The following MRPL47 variants were observed in gnomAD, a reference collection of about 807,000 sequenced individuals.
MRPL47 encodes the protein mitochondrial ribosomal protein L47.
In MRPL47, 31 loss-of-function variants were observed where a neutral mutation model predicts 34.0. The ratio of observed to expected loss-of-function variants is 0.91; its 90% CI spans 0.68 to 1.23. The LOEUF is 1.23. Ranked by LOEUF, MRPL47 falls within the 50% of genes most tolerant of loss-of-function variation. MRPL47 has a pLI of 0.00. For synonymous variants in MRPL47, 106 were observed against 101.6 expected, an observed-to-expected ratio of 1.04 and a Z score of -0.26; for missense variants, 328 against 285.8, an observed-to-expected ratio of 1.15 and a Z score of -1.07.
intron 1 of MRPL47, among the ~76,000 whole-genome samples, chr3:179,603,953 T>C (rs1718992256): frequency 6.8e-6 from 1 of 147,432 alleles, no homozygotes; most frequent in Admixed American, 6.8e-5. Flanking sequence ...AAAAAGCTAA[T>C]CTCATCAAAA....
chr3:179,598,588 C>T lies in MRPL47; in HGVS notation c.402+87G>A, dbSNP rs995603555. ...AATCAAACGAATAAGAAAAAAAAATCTATTTGACAAGAAATACAGGAACCA... is the reference window on the plus strand; with the variant it reads ...AATCAAACGAATAAGAAAAAAAAATTTATTTGACAAGAAATACAGGAACCA... On this transcript the variant is annotated intron_variant, in intron 4 of 6. Transcript: ENST00000476781. The T allele has an allele frequency of 5.8e-6, 5 of 864,006 alleles. No homozygotes were observed. In the African/African-American group the frequency reaches 6.8e-5, roughly 12 times the overall value. 53.5% of individuals were successfully genotyped at this position (864,006 alleles called of 1,614,324 possible).
At position 179,604,600 on chromosome 3, in the gene MRPL47, G is replaced by C; in HGVS notation, c.25C>G (p.Leu9Val). 2.5e-6 allele frequency: 4 copies of C among 1,614,236 alleles called. No homozygotes were observed. Among genetic ancestry groups the C allele is most frequent in the Non-Finnish European group, 3.4e-6 (4 of 1,180,052 alleles). Residue 9 changes from leucine to valine, a missense_variant, in exon 1 of 7, where the codon CTT becomes GTT. Physicochemically the swap from Leu to Val is conservative, Grantham distance 32 (BLOSUM62 1). Transcript: ENST00000476781. ...AGGGCGGATGAAACTCTCCTACAAA[G>C]AAGGGCCAAACCGGCCGCAGCCATG... MAAAGLAL[L>V]CRRVSSALKS...
At chr3:179,602,883 A>AT in intron 1 of MRPL47, 86 bp from the exon 2 acceptor site, 1 of 1,093,266 alleles carries the variant, frequency 9.1e-7, no homozygotes. Context: ...AAACATAATC[A>AT]TTTTGTCATC....
At chr3:179,591,446 T>G (rs1718668929) in intron 6 of MRPL47, among the ~76,000 whole-genome samples, 1 of 152,172 alleles carries the variant, frequency 6.6e-6, no homozygotes, top group African/African-American at 2.4e-5. Flanking sequence ...TTAAAATAGC[T>G]CTTTAAAAAA....
In MRPL47 at chr3:179,588,869, A is replaced by AG; in HGVS notation, c.*2_*3insC. On this transcript the variant is annotated 3_prime_UTR_variant, in exon 7 of 7. Transcript: ENST00000476781. ...AAATGGTAAATTTAATAGTTCAGAC[A>AG]TCTTAGACAAGACTTGACTTTTGGG... The AG allele has an allele frequency of 6.2e-7, 1 of 1,612,504 alleles. No homozygotes were observed. Among genetic ancestry groups the AG allele is most frequent in the Non-Finnish European group, 8.5e-7 (1 of 1,179,348 alleles).
intron 6 of MRPL47, among the ~76,000 whole-genome samples, chr3:179,591,983 C>G (rs1482523568): frequency 6.6e-6 from 1 of 152,092 alleles, no homozygotes; most frequent in Non-Finnish European, 1.5e-5. Context: ...CAGGCACATG[C>G]TACCATGGCC....
chr3:179,601,233 C>A (rs535952257), intron 3 of MRPL47, among the ~76,000 whole-genome samples: 1 of 152,158 alleles, frequency 6.6e-6, no homozygotes, highest in African/African-American at 2.4e-5. Context: ...CATAGGGAGA[C>A]TCCCTCTCCA....
At chr3:179,596,478 T>C (rs1718790927) in intron 4 of MRPL47, among the ~76,000 whole-genome samples, 1 of 152,168 alleles carries the variant, frequency 6.6e-6, no homozygotes, top group South Asian at 2.1e-4. Context: ...GTTCTACTGA[T>C]TGAGAAAGTG....
intron 1 of MRPL47, 68 bp downstream of exon 1, chr3:179,604,459 G>C: frequency 6.9e-7 from 1 of 1,453,004 alleles, no homozygotes; most frequent in Non-Finnish European, 9.6e-7. Flanking sequence ...TCGGCATCTC[G>C]GCATCTCGGC....
intron 4 of MRPL47, among the ~76,000 whole-genome samples, chr3:179,595,729 C>A (rs559732399): frequency 6.6e-6 from 1 of 152,246 alleles, no homozygotes; most frequent in Middle Eastern, 3.4e-3. Context: ...GAAGTTCATG[C>A]CAAGAAATGT....
At chr3:179,593,733 A>G (rs1454707353) in intron 5 of MRPL47, 32 bp downstream of exon 5, 1 of 1,586,486 alleles carries the variant, frequency 6.3e-7, no homozygotes, top group South Asian at 1.2e-5. Context: ...TTCCACTCTC[A>G]TCTTAGAAGA....
At chr3:179,590,461 T>A (rs1718648516) in intron 6 of MRPL47, among the ~76,000 whole-genome samples, 1 of 152,194 alleles carries the variant, frequency 6.6e-6, no homozygotes, top group African/African-American at 2.4e-5. Context: ...ATTTCTTCAG[T>A]TGCTTAGCAT....
In MRPL47 at chr3:179,589,001, A is replaced by G. The variant is rs1242679945; in HGVS notation, c.630-6T>C. 6.3e-7 allele frequency: 1 copy of G among 1,595,258 alleles called. No homozygotes were observed. Among genetic ancestry groups the G allele is most frequent in the Admixed American group, 1.8e-5 (1 of 54,232 alleles). On this transcript the variant is annotated splice_region_variant and splice_polypyrimidine_tract_variant and intron_variant, in intron 6 of 6. Transcript: ENST00000476781. Reference sequence around the variant, plus strand: ...CTCGTTTCTCACGTTCCAGTCTAGAATAAAAAAAGCGTAACAGCAATTTAT... The same window carrying G: ...CTCGTTTCTCACGTTCCAGTCTAGAGTAAAAAAAGCGTAACAGCAATTTAT...
intron 6 of MRPL47, among the ~76,000 whole-genome samples, chr3:179,591,636 C>T (rs2108378485): frequency 6.6e-6 from 1 of 152,284 alleles, no homozygotes. Context: ...TATAATATAA[C>T]AGACTTCTCT....
Position 179,598,430 on chromosome 3 carries a change from A to AAAC in MRPL47, c.402+244_402+245insGTT, listed in dbSNP as rs1718844809. 7.9e-5 allele frequency among the ~76,000 whole-genome samples: 9 copies of AAAC among 114,194 alleles called. 1 individual carries two copies. Among genetic ancestry groups the AAAC allele is most frequent in the African/African-American group, 3.2e-4 (9 of 28,036 alleles). 74.9% of individuals were successfully genotyped at this position (114,194 alleles called of 152,430 possible). ...CACACACACACACACACACACAAAC[A>AAAC]AAAAAAAAAAAACAAAAAACACGTT... On this transcript the variant is annotated intron_variant, in intron 4 of 6. Transcript: ENST00000476781.
At chr3:179,594,232 T>A (rs6772319) in intron 4 of MRPL47, among the ~76,000 whole-genome samples, 1 of 152,156 alleles carries the variant, frequency 6.6e-6, no homozygotes, top group Non-Finnish European at 1.5e-5. Context: ...GAAGTGATAA[T>A]AATTTGCTAT....
At chr3:179,597,680 T>C (rs1419004586) in intron 4 of MRPL47, among the ~76,000 whole-genome samples, 2 of 151,992 alleles carry the variant, frequency 1.3e-5, no homozygotes, top group Non-Finnish European at 2.9e-5. Flanking sequence ...TGGTGGTGTG[T>C]GCCTGTGGTC....
chr3:179,591,992 C>T (rs570812946), intron 6 of MRPL47, among the ~76,000 whole-genome samples: 1 of 152,166 alleles, frequency 6.6e-6, no homozygotes, highest in East Asian at 1.9e-4. Flanking sequence ...GCTACCATGG[C>T]CGGCTAATTT....
intron 6 of MRPL47, among the ~76,000 whole-genome samples, chr3:179,589,688 A>G (rs1718623435): frequency 6.6e-6 from 1 of 152,214 alleles, no homozygotes; most frequent in African/African-American, 2.4e-5. Context: ...TGGGGGGAAA[A>G]AAGACAATAC....
Sources: allele counts gnomAD v4.1 joint callset (sites outside exome capture counted in the v4.1 genomes callset), GRCh38; gene constraint gnomAD v4.1.1; transcripts MANE v1.5; gene names NCBI Gene and HGNC (gene_info 2026-07-23, HGNC 2026-07-21).